Variants in ITGA4 observed in about 807,000 individuals in gnomAD.
ITGA4 encodes the protein integrin alpha-4.
Under a neutral mutation model 133.6 loss-of-function variants are expected in ITGA4, and 63 were observed. The observed-to-expected ratio is 0.47, with a 90% CI of 0.38 to 0.58. The LOEUF is 0.58. ITGA4 is among the 20% of genes least tolerant of loss of function. The probability of loss-of-function intolerance (pLI) is 0.00; values close to 1 mark genes in which losing one functional copy is unlikely to be tolerated. For missense variants in ITGA4, 1,076 were observed against 1,252.7 expected (o/e 0.86, Z 2.13); for synonymous variants, 483 against 438.0 (o/e 1.10, Z -1.28).
intron 2 of ITGA4, among the ~76,000 whole-genome samples, chr2:181,459,739 T>C (rs1457972326): frequency 6.6e-6 from 1 of 152,048 alleles, no homozygotes; most frequent in Non-Finnish European, 1.5e-5. Context: ...AATTAGGGAG[T>C]GGAGCCGACA....
At chr2:181,474,205 C>T (rs1409423656) in intron 2 of ITGA4, among the ~76,000 whole-genome samples, 1 of 152,032 alleles carries the variant, frequency 6.6e-6, no homozygotes, top group Non-Finnish European at 1.5e-5. Flanking sequence ...TTTTTTCTAA[C>T]AAAAGAAAAT....
At chr2:181,462,061 A>C (rs552895956) in intron 2 of ITGA4, among the ~76,000 whole-genome samples, 7 of 152,222 alleles carry the variant, frequency 4.6e-5, no homozygotes, top group Non-Finnish European at 1.0e-4. Context: ...GCTATTATAA[A>C]ATTTAAAATT....
intron 4 of ITGA4, 81 bp downstream of exon 4, chr2:181,475,369 A>T (rs1031476594): frequency 7.6e-5 from 85 of 1,121,190 alleles, no homozygotes; most frequent in Non-Finnish European, 1.1e-4. Context: ...GTTCAAGTTT[A>T]GATGTTCAGA....
intron 14 of ITGA4, among the ~76,000 whole-genome samples, chr2:181,497,321 T>G (rs964384224): frequency 5.9e-5 from 9 of 152,206 alleles, no homozygotes; most frequent in Non-Finnish European, 1.3e-4. Flanking sequence ...GCATACCTTA[T>G]AATTATCATA....
At chr2:181,468,608 A>G (rs1314085793) in intron 2 of ITGA4, among the ~76,000 whole-genome samples, 1 of 152,174 alleles carries the variant, frequency 6.6e-6, no homozygotes, top group Non-Finnish European at 1.5e-5. Context: ...GGTGATATGA[A>G]TAAGAATGAA....
chr2:181,507,444 T>TCC (rs1686416396), intron 15 of ITGA4, among the ~76,000 whole-genome samples: 1 of 152,076 alleles, frequency 6.6e-6, no homozygotes, highest in African/African-American at 2.4e-5. Flanking sequence ...TTTTGTTGAG[T>TCC]ACCCTTTGAA....
In ITGA4 at chr2:181,525,275, AAG is replaced by A; in HGVS notation, c.2324_2325del (p.Lys775ThrfsTer18). 1 of 1,585,748 alleles carries A rather than the reference AAG, an allele frequency of 6.3e-7. No homozygotes were observed. Among genetic ancestry groups the A allele is most frequent in the Non-Finnish European group, 8.7e-7 (1 of 1,154,850 alleles). On this transcript the variant is annotated frameshift_variant, in exon 21 of 28. Coordinates refer to ENST00000397033, the MANE Select transcript of ITGA4 (RefSeq NM_000885.6). LOFTEE classifies it high-confidence loss of function. The stretch of plus-strand genomic sequence containing the variant: ...AGCAATACCTTTAAAATATGAGGTT[AAG>A]CTGACTGTTCATGGGTAAGTAGACA... ...TVAIPLKYEV[K>X]LTVHGFVNPT... is the part of the protein sequence containing the mutation.
At chr2:181,465,436 C>T (rs534170589) in intron 2 of ITGA4, among the ~76,000 whole-genome samples, 1 of 151,984 alleles carries the variant, frequency 6.6e-6, no homozygotes, top group South Asian at 2.1e-4. Flanking sequence ...TCTTTTTCAA[C>T]CATCCTACCC....
At chr2:181,471,406 A>G (rs182161609) in intron 2 of ITGA4, among the ~76,000 whole-genome samples, 2 of 152,324 alleles carry the variant, frequency 1.3e-5, no homozygotes, top group African/African-American at 4.8e-5. Context: ...AAATAAATAA[A>G]TGTAGTTAAC....
At chr2:181,513,926 C>T (rs568620591) in intron 17 of ITGA4, among the ~76,000 whole-genome samples, 1 of 152,122 alleles carries the variant, frequency 6.6e-6, no homozygotes, top group Non-Finnish European at 1.5e-5. Context: ...TGTCTCCACA[C>T]TGTCCTGGAA....
At chr2:181,515,538 A>G (rs1237511960) in intron 17 of ITGA4, among the ~76,000 whole-genome samples, 1 of 152,098 alleles carries the variant, frequency 6.6e-6, no homozygotes, top group Non-Finnish European at 1.5e-5. Context: ...TGACTGGCTC[A>G]GTAGTTGCAG....
chr2:181,490,499 G>A (rs1417068341), intron 10 of ITGA4, among the ~76,000 whole-genome samples: 3 of 147,878 alleles, frequency 2.0e-5, no homozygotes, highest in African/African-American at 7.4e-5. Context: ...GTGTGTGTGT[G>A]TGTGTGTGTG....
At chr2:181,467,885 A>G (rs1396180369) in intron 2 of ITGA4, among the ~76,000 whole-genome samples, 1 of 152,208 alleles carries the variant, frequency 6.6e-6, no homozygotes, top group East Asian at 1.9e-4. Context: ...TAGGATTAAT[A>G]ATACAGCAAT....
At position 181,523,531 on chromosome 2, in the gene ITGA4, G is replaced by T; in HGVS notation, c.2168G>T (p.Arg723Met). ...TATATATATGTAGATCATCTCTCAA[G>T]GGTAAGTGTTTCATATTTATGGCTT... The part of the protein sequence containing the change: ...IGYIYVDHLS[R>M]IDISFLLDVS... Residue 723 changes from arginine (R) to methionine (M), a missense_variant and splice_region_variant, in exon 19 of 28, where the codon AGG becomes ATG. Arg to Met is a moderately conservative substitution (Grantham distance 91, BLOSUM62 -1). Coordinates refer to ENST00000397033, the MANE Select transcript of ITGA4 (RefSeq NM_000885.6). This position sits in a 1 kb window ranked among gnomAD's most constrained non-coding sequence, Gnocchi z 4.2. 6.5e-7 allele frequency: 1 copy of T among 1,534,920 alleles called. No individual in the cohort carries two copies. The highest frequency in any genetic ancestry group is 9.0e-7 in the Non-Finnish European group (1 of 1,109,334).
At chr2:181,519,960 T>C (rs1686684406) in intron 17 of ITGA4, among the ~76,000 whole-genome samples, 2 of 152,144 alleles carry the variant, frequency 1.3e-5, no homozygotes, top group Admixed American at 1.3e-4. Context: ...ACTTACCTGC[T>C]TATATTTTTT....
chr2:181,481,119 CT>C (rs1685792183), intron 6 of ITGA4, among the ~76,000 whole-genome samples: 1 of 152,102 alleles, frequency 6.6e-6, no homozygotes, highest in Non-Finnish European at 1.5e-5. Flanking sequence ...TGAAAGGATA[CT>C]TTGAAATCGT....
chr2:181,483,043 G>C (rs1013546692), intron 9 of ITGA4, among the ~76,000 whole-genome samples: 1 of 151,918 alleles, frequency 6.6e-6, no homozygotes, highest in Non-Finnish European at 1.5e-5. Context: ...AATATTACTA[G>C]GACTAGAAGA....
Position 181,523,668 on chromosome 2 carries a change from G to T in ITGA4, c.2169+136G>T. On this transcript the variant is annotated intron_variant, in intron 19 of 27. Coordinates refer to ENST00000397033, the MANE Select transcript of ITGA4 (RefSeq NM_000885.6). The surrounding 1 kb of genome is among the most constrained non-coding windows in gnomAD (Gnocchi z 4.2). ...GTAGCTGAGTGATGAAATAAAACTG[G>T]TTCTTGAAATCTTTGAGCTTTGTGT... 1 of 562,530 alleles carries T rather than the reference G, an allele frequency of 1.8e-6. No individual in the cohort carries two copies. Among genetic ancestry groups the T allele is most frequent in the Non-Finnish European group, 3.2e-6 (1 of 316,292 alleles). 34.8% of individuals were successfully genotyped at this position (562,530 alleles called of 1,614,324 possible).
At chr2:181,498,532 A>AGTCCAT in intron 14 of ITGA4, 91 bp from the exon 15 acceptor site, 3 of 638,416 alleles carry the variant, frequency 4.7e-6, no homozygotes, top group Non-Finnish European at 7.6e-6. Flanking sequence ...TATTTCCAGT[A>AGTCCAT]GTCCATATAA....
Sources: gnomAD v4.1 joint callset for allele counts (sites outside exome capture counted in the v4.1 genomes callset) on GRCh38, gnomAD v4.1.1 for gene constraint, Gnocchi (gnomAD v3.1) non-coding constraint, MANE v1.5 for transcripts, NCBI Gene and HGNC (gene_info 2026-07-23, HGNC 2026-07-21) for gene names.